SLC35A3: variants seen among roughly 807,000 people sequenced by gnomAD.
SLC35A3 encodes solute carrier family 35 member A3.
Under a neutral mutation model 39.0 loss-of-function variants are expected in SLC35A3, and 26 were observed. The observed-to-expected ratio is 0.67, with a 90% confidence interval of 0.49 to 0.92. The LOEUF is 0.92. SLC35A3 is among the 40% of genes least tolerant of loss of function. SLC35A3 has a pLI of 0.00. For synonymous variants in SLC35A3, 135 were observed against 133.1 expected, an observed-to-expected ratio of 1.01 and a Z score of -0.10; for missense variants, 299 against 371.6, an observed-to-expected ratio of 0.80 and a Z score of 1.61.
At position 100,007,074 on chromosome 1, in the gene SLC35A3, CTG is replaced by C; in HGVS notation, c.387_388del (p.Ser130TyrfsTer3). On this transcript the variant is annotated frameshift_variant, in exon 4 of 8. Coordinates refer to ENST00000533028, the MANE Select transcript of SLC35A3 (RefSeq NM_012243.3). LOFTEE classifies it high-confidence loss of function. ...AAAATTCTTACAACAGCATTATTTT[CTG>C]TGTCTATGCTTAGTAAAAAATTGGG... The C allele has an allele frequency of 2.5e-6, 4 of 1,610,364 alleles. No homozygotes were observed. The highest frequency in any genetic ancestry group is 3.4e-6 in the Non-Finnish European group (4 of 1,178,820).
At position 99,999,339 on chromosome 1, in the gene SLC35A3, T is replaced by C. The variant is rs1394892554; in HGVS notation, c.266T>C (p.Ile89Thr). The C allele has an allele frequency of 6.2e-7, 1 of 1,601,042 alleles. No homozygotes were observed. Among genetic ancestry groups the C allele is most frequent in the South Asian group, 1.1e-5 (1 of 89,290 alleles). ...CCTATGGAAACACTTAAACTTGCTA[T>C]TCCATCAGGGATCTATACTCTTCAG... ...NKPMETLKLA[I>T]PSGIYTLQNN... The change falls in exon 3 of 8, where the codon ATT (isoleucine) becomes ACT (threonine). Residue 89 changes from isoleucine to threonine, a missense_variant. By Grantham distance (89) the Ile-to-Thr change is moderately conservative. Coordinates refer to ENST00000533028, the MANE Select transcript of SLC35A3 (RefSeq NM_012243.3).
rs1213110907 is a variant in SLC35A3, at chr1:100,003,347, C to T, written c.343-3687C>T. On this transcript the variant is annotated intron_variant, in intron 3 of 7. Coordinates refer to ENST00000533028, the MANE Select transcript of SLC35A3 (RefSeq NM_012243.3). ...AGGAGAATTGCTTGAACCCAGGAGG[C>T]GGAGGTTGCCGTGAGCTGAGATCAC... Among the ~76,000 whole-genome samples, 6 of 134,004 alleles carry T rather than the reference C, an allele frequency of 4.5e-5. No homozygotes were observed. The East Asian group carries it at 7.1e-4, about 16-fold the overall frequency. The allele number at this position is 134,004 out of a possible 152,430, so 87.9% of individuals were successfully genotyped here.
At chr1:99,979,243 G>T (rs1387686061) in intron 1 of SLC35A3, among the ~76,000 whole-genome samples, 2 of 152,002 alleles carry the variant, frequency 1.3e-5, no homozygotes, top group Non-Finnish European at 2.9e-5. Context: ...TGTCAGCAAG[G>T]CCTCACTCCA....
chr1:99,996,077 A>G (rs1658382747), intron 2 of SLC35A3, among the ~76,000 whole-genome samples: 1 of 152,232 alleles, frequency 6.6e-6, no homozygotes, highest in Non-Finnish European at 1.5e-5. Flanking sequence ...AAGCATCTAT[A>G]GACACACCAT....
chr1:99,995,363 G>A (rs1658346018), intron 2 of SLC35A3, among the ~76,000 whole-genome samples: 1 of 151,926 alleles, frequency 6.6e-6, no homozygotes, highest in African/African-American at 2.4e-5. Flanking sequence ...AGGTTGGCCA[G>A]GCTGGTCTTG....
At chr1:99,976,674 A>C (rs1657121324) in intron 1 of SLC35A3, among the ~76,000 whole-genome samples, 1 of 152,204 alleles carries the variant, frequency 6.6e-6, no homozygotes, top group Non-Finnish European at 1.5e-5. Flanking sequence ...GATGGAGCTG[A>C]AGGCCATTAT....
At chr1:100,016,841 C>G (rs1043072457) in intron 6 of SLC35A3, among the ~76,000 whole-genome samples, 3 of 152,004 alleles carry the variant, frequency 2.0e-5, no homozygotes, top group Non-Finnish European at 4.4e-5. Context: ...TAAAAAGGGG[C>G]TGAAGATATG....
Position 100,027,056 on chromosome 1 carries a change from A to G in SLC35A3, c.*4580A>G, listed in dbSNP as rs1660948737. ...CTATGAATTAGTCTTCTCTCTTTAT[A>G]TATCAAAAATGAATTACTGATCTTT... On this transcript the variant is annotated 3_prime_UTR_variant, in exon 8 of 8. Coordinates refer to ENST00000533028, the MANE Select transcript of SLC35A3 (RefSeq NM_012243.3). 2.5e-6 allele frequency: 1 copy of G among 397,172 alleles called. No homozygotes were observed. The highest frequency in any genetic ancestry group is 4.4e-5 in the Admixed American group (1 of 22,690). The allele number at this position is 397,172 out of a possible 1,614,324, so 24.6% of individuals were successfully genotyped here.
chr1:100,014,422 A>G (rs900902373), intron 5 of SLC35A3, among the ~76,000 whole-genome samples: 1 of 152,060 alleles, frequency 6.6e-6, no homozygotes, highest in Non-Finnish European at 1.5e-5. Context: ...GAGTCTTGCT[A>G]TGTTGCCTGG....
chr1:99,972,677 A>C (rs1656888164), intron 1 of SLC35A3, among the ~76,000 whole-genome samples: 1 of 152,166 alleles, frequency 6.6e-6, no homozygotes, highest in East Asian at 1.9e-4. Context: ...ACTTGAACAC[A>C]TCATGATGTA....
intron 7 of SLC35A3, among the ~76,000 whole-genome samples, chr1:100,018,705 C>G (rs1266219505): frequency 6.6e-6 from 1 of 152,060 alleles, no homozygotes; most frequent in East Asian, 1.9e-4. Flanking sequence ...ATCTTGAACT[C>G]CTTACCTCGA....
At chr1:100,001,923 T>G (rs754264843) in intron 3 of SLC35A3, among the ~76,000 whole-genome samples, 1 of 152,244 alleles carries the variant, frequency 6.6e-6, no homozygotes, top group Admixed American at 6.5e-5. Flanking sequence ...GCATATATAT[T>G]AAACCATCTT....
chr1:100,034,193 ATTATT>A lies in SLC35A3; in HGVS notation c.*11722_*11726del, dbSNP rs940791711. Reference sequence around the variant, plus strand: ...TAGAGACCCAGATAATTTTTTCTATATTATTTTATCTATGATCCTTTTTATCTCAT... The same window carrying A: ...TAGAGACCCAGATAATTTTTTCTATATTATCTATGATCCTTTTTATCTCAT... On this transcript the variant is annotated 3_prime_UTR_variant, in exon 8 of 8. Coordinates refer to ENST00000533028, the MANE Select transcript of SLC35A3 (RefSeq NM_012243.3). 4.6e-5 allele frequency: 7 copies of A among 152,102 alleles called. No individual in the cohort carries two copies. The highest frequency in any genetic ancestry group is 5.9e-5 in the Non-Finnish European group (4 of 67,946). 9.4% of individuals were successfully genotyped at this position (152,102 alleles called of 1,614,324 possible).
At position 99,973,937 on chromosome 1, in the gene SLC35A3, C is replaced by T. The variant is rs146362869; in HGVS notation, c.-19+3775C>T. On this transcript the variant is annotated intron_variant, in intron 1 of 7. Coordinates refer to ENST00000533028, the MANE Select transcript of SLC35A3 (RefSeq NM_012243.3). The stretch of plus-strand genomic sequence containing the variant: ...GGCTGAAGCAGGAGAATTGCTTGAA[C>T]GCGGGAGGCGGAGGTTGCAGTGAGC... Among the ~76,000 whole-genome samples the T allele has an allele frequency of 1.6e-3, 241 of 151,046 alleles. 5 individuals are homozygous for T. Among genetic ancestry groups the T allele is most frequent in the Admixed American group, 0.013 (193 of 15,108 alleles).
rs1660791056 is a variant in SLC35A3 at position 100,024,634 on chromosome 1, TTTTGAGACAGAGTCTCAC to T, written c.*2163_*2180del. 1 of 370,344 alleles carries T rather than the reference TTTTGAGACAGAGTCTCAC, an allele frequency of 2.7e-6. No homozygotes were observed. Among genetic ancestry groups the T allele is most frequent in the Non-Finnish European group, 4.8e-6 (1 of 209,540 alleles). The allele number at this position is 370,344 out of a possible 1,614,324, so 22.9% of individuals were successfully genotyped here. A position where few individuals can be genotyped will look rare whatever the true frequency, so the allele number is the denominator to read the frequency against. ...AAATAAAATACTTCTTTTTTTTTTT[TTTTGAGACAGAGTCTCAC>T]TTTGTCGCCAGGCTGGAGTGCTGTG... On this transcript the variant is annotated 3_prime_UTR_variant, in exon 8 of 8. Transcript: ENST00000533028.
rs915837249 is a variant in SLC35A3 at position 100,031,783 on chromosome 1, G to C, written c.*9307G>C. 6.6e-6 allele frequency: 1 copy of C among 152,070 alleles called. No individual in the cohort carries two copies. The highest frequency in any genetic ancestry group is 1.5e-5 in the Non-Finnish European group (1 of 68,014). 9.4% of individuals were successfully genotyped at this position (152,070 alleles called of 1,614,324 possible). A position where few individuals can be genotyped will look rare whatever the true frequency, so the allele number is the denominator to read the frequency against. ...TGTTTTGGAACGAGGGTAAAATCAA[G>C]GTTAATGCTTTGTATTTGATTGTCT... On this transcript the variant is annotated 3_prime_UTR_variant, in exon 8 of 8. Transcript: ENST00000533028.
chr1:99,980,602 A>C (rs186933839), intron 1 of SLC35A3, among the ~76,000 whole-genome samples: 1 of 152,382 alleles, frequency 6.6e-6, no homozygotes, highest in African/African-American at 2.4e-5. Context: ...AACAAGTTAA[A>C]AATGGATACT....
intron 3 of SLC35A3, among the ~76,000 whole-genome samples, chr1:100,002,496 G>C (rs775539537): frequency 3.6e-4 from 55 of 151,592 alleles, no homozygotes; most frequent in Admixed American, 9.8e-4. Flanking sequence ...TTTTTTTCTT[G>C]GTTAGTCTAG....
chr1:100,031,472 A>G lies in SLC35A3; in HGVS notation c.*8996A>G, dbSNP rs1017840402. ...AATTCAGGTCACTTCATCTAAGTTC[A>G]AATTCAAATACAATTGCCCCTCTGT... On this transcript the variant is annotated 3_prime_UTR_variant, in exon 8 of 8. Transcript: ENST00000533028. 2 of 152,272 alleles carry G rather than the reference A, an allele frequency of 1.3e-5. No individual in the cohort carries two copies. The highest frequency in any genetic ancestry group is 4.1e-4 in the South Asian group (2 of 4,820). The allele number at this position is 152,272 out of a possible 1,614,324, so 9.4% of individuals were successfully genotyped here. A position where few individuals can be genotyped will look rare whatever the true frequency, so the allele number is the denominator to read the frequency against.
Sources: gnomAD v4.1 joint callset for allele counts (sites outside exome capture counted in the v4.1 genomes callset) on GRCh38, gnomAD v4.1.1 for gene constraint, MANE v1.5 for transcripts, NCBI Gene and HGNC (gene_info 2026-07-23, HGNC 2026-07-21) for gene names.